Variants in B3GALT1 observed in about 807,000 individuals in gnomAD.
B3GALT1 encodes beta-1,3-galactosyltransferase 1.
In B3GALT1, 10 loss-of-function variants were observed where a neutral mutation model predicts 23.2. The observed-to-expected ratio is 0.43, with a 90% confidence interval of 0.27 to 0.73. The LOEUF (loss-of-function observed/expected upper bound fraction) is 0.73. B3GALT1 is among the 30% of genes least tolerant of loss of function. The pLI is 0.21. For synonymous variants in B3GALT1, 156 were observed against 141.5 expected (o/e 1.10, Z -0.73); for missense variants, 299 against 405.4 (o/e 0.74, Z 2.25).
chr2:167,755,434 C>G (rs941990391), intron 3 of B3GALT1, among the ~76,000 whole-genome samples: 6 of 150,336 alleles, frequency 4.0e-5, no homozygotes, highest in Non-Finnish European at 7.4e-5. Context: ...CCAAACTTGC[C>G]CTTCCATTTC....
At chr2:167,619,393 G>A (rs1045099743) in intron 2 of B3GALT1, among the ~76,000 whole-genome samples, 6 of 151,930 alleles carry the variant, frequency 3.9e-5, no homozygotes, top group African/African-American at 1.2e-4. Context: ...TCTAATGGCT[G>A]CCCCCCAACA....
At chr2:167,358,039 A>G (rs779119134) in intron 1 of B3GALT1, among the ~76,000 whole-genome samples, 15 of 152,228 alleles carry the variant, frequency 9.9e-5, no homozygotes, top group Non-Finnish European at 2.1e-4. Context: ...CTGTTTATAA[A>G]AAGCCCACTC....
In B3GALT1 at chr2:167,419,135, G is replaced by A. The variant is rs551346400; in HGVS notation, c.-510-71042G>A. Among the ~76,000 whole-genome samples the A allele has an allele frequency of 5.3e-5, 8 of 152,192 alleles. 1 individual carries two copies. The highest frequency in any genetic ancestry group is 1.9e-4 in the African/African-American group (8 of 41,508). ...TTAAAAACAGTTTGACCATAGCTTA[G>A]GAAAATGTATTTAAATGATAAGAAA... On this transcript the variant is annotated intron_variant, in intron 1 of 4. Coordinates refer to ENST00000392690, the MANE Select transcript of B3GALT1 (RefSeq NM_020981.4).
At chr2:167,344,360 C>G (rs1697196658) in intron 1 of B3GALT1, among the ~76,000 whole-genome samples, 1 of 152,044 alleles carries the variant, frequency 6.6e-6, no homozygotes, top group African/African-American at 2.4e-5. Context: ...CATTTAAATT[C>G]ATTTAACATT....
At chr2:167,716,983 A>G (rs1327640187) in intron 3 of B3GALT1, among the ~76,000 whole-genome samples, 1 of 152,188 alleles carries the variant, frequency 6.6e-6, no homozygotes, top group African/African-American at 2.4e-5. Context: ...AATTTGTAGT[A>G]TAATTGTCTT....
chr2:167,364,339 G>GT (rs900879257), intron 1 of B3GALT1, among the ~76,000 whole-genome samples: 32 of 146,390 alleles, frequency 2.2e-4, no homozygotes, highest in South Asian at 1.1e-3. Flanking sequence ...TATATATATA[G>GT]TTTTTTTTTT....
intron 3 of B3GALT1, among the ~76,000 whole-genome samples, chr2:167,649,809 TTGTTTGTTTTC>T (rs1316577412): frequency 1.3e-5 from 2 of 152,084 alleles, no homozygotes; most frequent in Non-Finnish European, 2.9e-5. Flanking sequence ...CAATCGTTTT[TTGTTTGTTTTC>T]TGTGGATTCT....
At chr2:167,443,159 A>G (rs1267442836) in intron 1 of B3GALT1, among the ~76,000 whole-genome samples, 9 of 151,582 alleles carry the variant, frequency 5.9e-5, no homozygotes, top group Non-Finnish European at 1.3e-4. Context: ...TGTTTTTCTC[A>G]GGTTTGTCAA....
chr2:167,794,260 T>C (rs1309102637), intron 3 of B3GALT1, among the ~76,000 whole-genome samples: 4 of 152,248 alleles, frequency 2.6e-5, no homozygotes, highest in Admixed American at 2.6e-4. Flanking sequence ...CTGAATAAAC[T>C]AAAACCTTAC....
chr2:167,706,305 C>T (rs1686966643), intron 3 of B3GALT1, among the ~76,000 whole-genome samples: 1 of 152,106 alleles, frequency 6.6e-6, no homozygotes, highest in Non-Finnish European at 1.5e-5. Context: ...GATGATGTAC[C>T]TTGATTAATT....
At chr2:167,522,523 C>T (rs1490065852) in intron 2 of B3GALT1, among the ~76,000 whole-genome samples, 1 of 152,118 alleles carries the variant, frequency 6.6e-6, no homozygotes, top group African/African-American at 2.4e-5. Context: ...ATGAAAGTCT[C>T]TGCTTCCATG....
In B3GALT1 at chr2:167,676,851, T is replaced by G. The variant is rs1414596274; in HGVS notation, c.-352+29885T>G. On this transcript the variant is annotated intron_variant, in intron 3 of 4. Transcript: ENST00000392690. ...CGCGCCTGGCCCCAATAATTAATAT[T>G]TATAATGTTTAGAACCATGTATGCA... 4.6e-5 allele frequency among the ~76,000 whole-genome samples: 7 copies of G among 152,318 alleles called. No individual in the cohort carries two copies. The East Asian group carries it at 7.7e-4, about 17-fold the overall frequency.
chr2:167,857,364 C>CT (rs892582973), intron 4 of B3GALT1, among the ~76,000 whole-genome samples: 5 of 151,910 alleles, frequency 3.3e-5, no homozygotes, highest in Non-Finnish European at 5.9e-5. Flanking sequence ...CCAGCATAGC[C>CT]TGAAAGAGTT....
At chr2:167,551,478 A>G (rs933009289) in intron 2 of B3GALT1, among the ~76,000 whole-genome samples, 8 of 152,174 alleles carry the variant, frequency 5.3e-5, no homozygotes, top group Admixed American at 3.9e-4. Context: ...TTTAGTCTTC[A>G]TGGAACTAAT....
At chr2:167,325,846 T>C (rs774213528) in intron 1 of B3GALT1, among the ~76,000 whole-genome samples, 2 of 151,868 alleles carry the variant, frequency 1.3e-5, no homozygotes, top group Non-Finnish European at 2.9e-5. Context: ...GCCTCCTGAG[T>C]AGCTGGGCTT....
At chr2:167,410,642 A>G (rs1167592107) in intron 1 of B3GALT1, among the ~76,000 whole-genome samples, 4 of 152,134 alleles carry the variant, frequency 2.6e-5, no homozygotes, top group Non-Finnish European at 4.4e-5. Context: ...ATACGGGCTT[A>G]AAACCTAGAT....
intron 1 of B3GALT1, among the ~76,000 whole-genome samples, chr2:167,421,526 A>G (rs750591794): frequency 1.2e-4 from 18 of 152,236 alleles, no homozygotes; most frequent in Admixed American, 2.6e-4. Flanking sequence ...GTGAAGGAGC[A>G]GATGAATACT....
At chr2:167,779,256 G>A (rs573194063) in intron 3 of B3GALT1, among the ~76,000 whole-genome samples, 16 of 151,924 alleles carry the variant, frequency 1.1e-4, no homozygotes, top group African/African-American at 2.9e-4. Flanking sequence ...AACAAGCCAC[G>A]TAGCAGAAGA....
intron 2 of B3GALT1, among the ~76,000 whole-genome samples, chr2:167,598,852 C>T (rs1320081123): frequency 6.6e-6 from 1 of 152,142 alleles, no homozygotes; most frequent in Non-Finnish European, 1.5e-5. Context: ...TCACAATAAA[C>T]TCGATCGTAA....
Sources: gnomAD v4.1 joint callset for allele counts (sites outside exome capture counted in the v4.1 genomes callset) on GRCh38, gnomAD v4.1.1 for gene constraint, MANE v1.5 for transcripts, NCBI Gene and HGNC (gene_info 2026-07-23, HGNC 2026-07-21) for gene names.